Variants in GLI2 observed in about 807,000 individuals in gnomAD.
GLI2 encodes transcription activator GLI2.
In GLI2, 22 loss-of-function variants were observed where a neutral mutation model predicts 78.9. The ratio of observed to expected loss-of-function variants is 0.28; its 90% CI spans 0.20 to 0.40. GLI2 has a LOEUF of 0.40. GLI2 is among the 10% of genes least tolerant of loss of function. The pLI, the probability that GLI2 is intolerant of heterozygous loss-of-function variation, is 1.00. For missense variants in GLI2, 2,097 were observed against 2,213.2 expected (o/e 0.95, Z 1.05); for synonymous variants, 974 against 963.7 (o/e 1.01, Z -0.20).
At chr2:120,901,730 A>C (rs1391633414) in intron 2 of GLI2, among the ~76,000 whole-genome samples, 1 of 152,178 alleles carries the variant, frequency 6.6e-6, no homozygotes, top group Non-Finnish European at 1.5e-5. Context: ...TAGATTACCT[A>C]CAATTGTTTG....
At chr2:120,816,684 T>C (rs1685511588) in intron 2 of GLI2, among the ~76,000 whole-genome samples, 1 of 152,178 alleles carries the variant, frequency 6.6e-6, no homozygotes, top group African/African-American at 2.4e-5. Context: ...ATTACACTTC[T>C]GCAAATATCC....
At position 120,872,790 on chromosome 2, in the gene GLI2, T is replaced by C. The variant is rs72835591; in HGVS notation, c.149-54571T>C. The stretch of plus-strand genomic sequence containing the variant: ...ATTGGCGTTAAATGAGCTCTTGTGC[T>C]TGAAACACTCAGCATAGTACTAGCC... On this transcript the variant is annotated intron_variant, in intron 2 of 13. Coordinates refer to ENST00000361492, the MANE Select transcript of GLI2 (RefSeq NM_001374353.1). Among the ~76,000 whole-genome samples the C allele has an allele frequency of 5.5e-3, 832 of 152,370 alleles. 5 individuals carry two copies. Among genetic ancestry groups the C allele is most frequent in the Non-Finnish European group, 7.8e-3 (531 of 68,036 alleles).
chr2:120,810,754 G>A (rs1288967465), intron 2 of GLI2, among the ~76,000 whole-genome samples: 1 of 152,236 alleles, frequency 6.6e-6, no homozygotes, highest in Admixed American at 6.5e-5. Flanking sequence ...GTGGCGTTCT[G>A]GTCCTCCGTA....
In GLI2 at chr2:120,843,690, A is replaced by G. The variant is rs138390261; in HGVS notation, c.148+46222A>G. Among the ~76,000 whole-genome samples, 96 of 152,222 alleles carry G rather than the reference A, an allele frequency of 6.3e-4. 3 individuals carry two copies. The East Asian group carries it at 0.018, about 29-fold the overall frequency. On this transcript the variant is annotated intron_variant, in intron 2 of 13. Transcript: ENST00000361492. ...ATTTTTGTTGTTGTTGTTTTGAGAC[A>G]GAGTCTCCCTCTGTCTCCCAGGCTG...
intron 1 of GLI2, among the ~76,000 whole-genome samples, chr2:120,757,113 C>A (rs938916260): frequency 6.6e-6 from 1 of 152,108 alleles, no homozygotes; most frequent in African/African-American, 2.4e-5. Context: ...TCTTTGGACA[C>A]AGGAATTCAT....
At position 120,955,393 on chromosome 2, in the gene GLI2, C is replaced by A; in HGVS notation, c.606C>A (p.Ser202Arg). 6.2e-7 allele frequency: 1 copy of A among 1,610,958 alleles called. No individual in the cohort carries two copies. Among genetic ancestry groups the A allele is most frequent in the Non-Finnish European group, 8.5e-7 (1 of 1,177,972 alleles). ...DLLMQSGGAA[S>R]APHLHDYLNP... ...TGATGCAGAGCGGGGGCGCTGCCAG[C>A]GCACCCCATCTCCACGACTACCTCA... The change falls in exon 5 of 14, where the codon AGC becomes AGA. Residue 202 changes from serine to arginine, a missense_variant. Transcript: ENST00000361492.
At chr2:120,957,942 G>T (rs1050517310) in intron 5 of GLI2, among the ~76,000 whole-genome samples, 6 of 152,216 alleles carry the variant, frequency 3.9e-5, no homozygotes, top group African/African-American at 1.2e-4. Flanking sequence ...GCCCTTCCCT[G>T]GGCTGCAGTT....
intron 4 of GLI2, among the ~76,000 whole-genome samples, chr2:120,952,882 A>G (rs1252831023): frequency 2.0e-5 from 3 of 152,208 alleles, no homozygotes; most frequent in Non-Finnish European, 2.9e-5. Flanking sequence ...TGGGCTGACC[A>G]AGAGTGAGAG....
At chr2:120,945,688 C>T (rs547810243) in intron 3 of GLI2, among the ~76,000 whole-genome samples, 42 of 152,164 alleles carry the variant, frequency 2.8e-4, no homozygotes, top group Non-Finnish European at 3.8e-4. Flanking sequence ...TGGGCTCTCC[C>T]CTGCATGGCC....
intron 2 of GLI2, among the ~76,000 whole-genome samples, chr2:120,919,906 G>T (rs954953723): frequency 2.6e-5 from 4 of 152,198 alleles, no homozygotes; most frequent in Non-Finnish European, 5.9e-5. Flanking sequence ...CTTCCTTCCC[G>T]GGCCCACAAG....
intron 1 of GLI2, among the ~76,000 whole-genome samples, chr2:120,757,906 G>T (rs1454791773): frequency 6.6e-6 from 1 of 152,186 alleles, no homozygotes; most frequent in African/African-American, 2.4e-5. Flanking sequence ...CCATGGTTTT[G>T]CTGGTTATTT....
chr2:120,785,479 G>A (rs1453611322), intron 1 of GLI2, among the ~76,000 whole-genome samples: 1 of 152,200 alleles, frequency 6.6e-6, no homozygotes, highest in Non-Finnish European at 1.5e-5. Context: ...CCTGGGAGGT[G>A]TGGGGAGGGC....
At chr2:120,949,420 G>A (rs773216223) in intron 3 of GLI2, among the ~76,000 whole-genome samples, 1 of 152,244 alleles carries the variant, frequency 6.6e-6, no homozygotes, top group Non-Finnish European at 1.5e-5. Context: ...CCAGTTCCAT[G>A]CCAAGTGCTG....
rs1682380354 is a variant in GLI2 at position 120,974,956 on chromosome 2, T to C, written c.1183-19T>C. ...TGTCTGGACACGGCTCATGTGGGTG[T>C]GCCCTTCCCCTCTCCCAGGAGCAGC... On this transcript the variant is annotated intron_variant, in intron 8 of 13. Coordinates refer to ENST00000361492, the MANE Select transcript of GLI2 (RefSeq NM_001374353.1). The C allele has an allele frequency of 1.2e-6, 2 of 1,614,102 alleles. No homozygotes were observed. Among genetic ancestry groups the C allele is most frequent in the African/African-American group, 1.3e-5 (1 of 74,954 alleles).
chr2:120,774,036 C>T (rs1683606206), intron 1 of GLI2, among the ~76,000 whole-genome samples: 1 of 150,032 alleles, frequency 6.7e-6, no homozygotes, highest in Non-Finnish European at 1.5e-5. Context: ...CACTACCCTT[C>T]ACTTACAAGC....
At chr2:120,812,616 C>T (rs1169538997) in intron 2 of GLI2, among the ~76,000 whole-genome samples, 3 of 152,166 alleles carry the variant, frequency 2.0e-5, no homozygotes, top group African/African-American at 7.2e-5. Flanking sequence ...TCTGGCCTCT[C>T]CCTACCCTCA....
chr2:120,989,312 C>T lies in GLI2; in HGVS notation c.3347C>T (p.Ala1116Val), dbSNP rs771760319. The change falls in exon 14 of 14, where the codon GCG becomes GTG. Residue 1116 changes from alanine to valine, a missense_variant. This residue lies in a region of GLI2 where 1,290 missense variants were observed against 1,261.7 expected (regional missense o/e 1.02). Transcript: ENST00000361492. The part of the protein sequence containing the change: ...MLGGCQLGFG[A>V]PSSLNKNNMP... Reference sequence around the variant, plus strand: ...GGAGGATGCCAGTTAGGCTTTGGGGCGCCCTCCAGCCTGAACAAAAATAAC... The same window carrying T: ...GGAGGATGCCAGTTAGGCTTTGGGGTGCCCTCCAGCCTGAACAAAAATAAC... 1.9e-6 allele frequency: 3 copies of T among 1,613,054 alleles called. No homozygotes were observed. The highest frequency in any genetic ancestry group is 1.7e-5 in the Admixed American group (1 of 60,032).
rs775833166 is a variant in GLI2 at position 120,988,582 on chromosome 2, C to A, written c.2617C>A (p.Arg873=). 12 of 1,491,910 alleles carry A rather than the reference C, an allele frequency of 8.0e-6. No homozygotes were observed. In the African/African-American group the frequency reaches 1.0e-4, roughly 13 times the overall value. The allele number at this position is 1,491,910 out of a possible 1,614,324, so 92.4% of individuals were successfully genotyped here. ...NLTPAQQYSL[R]AKYAAATGGP... is the part of the protein sequence containing the mutation. ...CACGCCGGCGCAGCAGTACAGCCTG[C>A]GGGCCAAGTACGCGGCAGCCACTGG... Residue 873 remains arginine (R), a synonymous_variant, in exon 14 of 14, where the codon CGG becomes AGG. Coordinates refer to ENST00000361492, the MANE Select transcript of GLI2 (RefSeq NM_001374353.1).
chr2:120,806,653 C>T (rs1219244410), intron 2 of GLI2, among the ~76,000 whole-genome samples: 2 of 152,190 alleles, frequency 1.3e-5, no homozygotes, highest in Non-Finnish European at 2.9e-5. Context: ...AAGGACAAGG[C>T]TCCTGTTGCC....
Sources: gnomAD v4.1 joint callset for allele counts (sites outside exome capture counted in the v4.1 genomes callset) on GRCh38, gnomAD v4.1.1 for gene constraint, gnomAD v4.1.1 regional missense constraint, MANE v1.5 for transcripts, NCBI Gene and HGNC (gene_info 2026-07-23, HGNC 2026-07-21) for gene names.